Variants in PI4KA observed in about 807,000 individuals in gnomAD.
PI4KA encodes PI4-kinase alpha.
Under a neutral mutation model 271.4 loss-of-function variants are expected in PI4KA, and 122 were observed. The observed-to-expected ratio is 0.45, with a 90% CI of 0.39 to 0.52. The LOEUF is 0.52. Among genes scored for constraint, PI4KA ranks in the 20% least tolerant of loss-of-function variants. The probability of loss-of-function intolerance (pLI) is 0.00; values close to 1 mark genes in which losing one functional copy is unlikely to be tolerated. For synonymous variants in PI4KA, 1,041 were observed against 1,078.8 expected (o/e 0.96, Z 0.69); for missense variants, 1,969 against 2,769.1 (o/e 0.71, Z 6.48).
In PI4KA at chr22:20,815,607, A is replaced by G. The variant is rs184279849; in HGVS notation, c.857-2101T>C. On this transcript the variant is annotated intron_variant, in intron 7 of 54. Coordinates refer to ENST00000255882, the MANE Select transcript of PI4KA (RefSeq NM_058004.4). ...CTGGCAGCACACTGCCAATCTGTCT[A>G]AAGAGGACGCAAACCAGCAACTTAC... Among the ~76,000 whole-genome samples the G allele has an allele frequency of 3.2e-3, 490 of 152,266 alleles. 3 individuals carry two copies. Among genetic ancestry groups the G allele is most frequent in the Non-Finnish European group, 5.7e-3 (385 of 68,014 alleles).
chr22:20,747,516 A>T (rs1268465364), intron 29 of PI4KA, 67 bp downstream of exon 29: 1 of 1,563,612 alleles, frequency 6.4e-7, no homozygotes, highest in Non-Finnish European at 8.7e-7. Flanking sequence ...CCGAGCTCTA[A>T]GCCTTCCCCT....
At chr22:20,732,198 A>T (rs183865668) in intron 36 of PI4KA, among the ~76,000 whole-genome samples, 300 of 142,828 alleles carry the variant, frequency 2.1e-3, no homozygotes, top group African/African-American at 6.8e-3. Flanking sequence ...AAATTAAATT[A>T]AAAAATAAAA....
At chr22:20,810,057 C>T (rs1334838538) in intron 9 of PI4KA, among the ~76,000 whole-genome samples, 1 of 152,130 alleles carries the variant, frequency 6.6e-6, no homozygotes, top group East Asian at 1.9e-4. Flanking sequence ...GGGACATACC[C>T]ATGGTAATAA....
intron 17 of PI4KA, 166 bp downstream of exon 17, chr22:20,798,418 T>G: frequency 1.6e-6 from 1 of 607,736 alleles, no homozygotes; most frequent in South Asian, 1.9e-5. Flanking sequence ...CACCTCCAGG[T>G]GGGGGCCACA....
chr22:20,711,577 T>G lies in PI4KA; in HGVS notation c.5803-116A>C, dbSNP rs973637732. ...ACTCTCCCTGGCTCTGTACCCCCAC[T>G]GTGGAAGCAGAGCCCGAATCAGCAA... is the stretch of plus-strand genomic sequence containing the variant. On this transcript the variant is annotated intron_variant, in intron 50 of 54. Coordinates refer to ENST00000255882, the MANE Select transcript of PI4KA (RefSeq NM_058004.4). 4.8e-5 allele frequency: 56 copies of G among 1,178,382 alleles called. No individual in the cohort carries two copies. The African/African-American group carries it at 8.0e-4, about 17-fold the overall frequency. The allele number at this position is 1,178,382 out of a possible 1,614,324, so 73.0% of individuals were successfully genotyped here.
At chr22:20,755,963 T>G (rs1931247059) in intron 23 of PI4KA, among the ~76,000 whole-genome samples, 1 of 152,196 alleles carries the variant, frequency 6.6e-6, no homozygotes, top group South Asian at 2.1e-4. Flanking sequence ...GGGTCTGCCC[T>G]CTGCCTCCAG....
At chr22:20,729,786 A>G in intron 37 of PI4KA, 75 bp from the exon 38 acceptor site, 2 of 1,580,266 alleles carry the variant, frequency 1.3e-6, no homozygotes, top group Non-Finnish European at 1.7e-6. Context: ...ACCTAGAGGA[A>G]GCTTGCAGTG....
chr22:20,761,259 A>G (rs921280561), intron 23 of PI4KA, 45 bp downstream of exon 23: 2 of 1,135,840 alleles, frequency 1.8e-6, no homozygotes, highest in Non-Finnish European at 2.7e-6. Context: ...TTTTTACCCT[A>G]TTAAAGCTCA....
At chr22:20,810,932 C>T (rs1056347624) in intron 9 of PI4KA, 35 bp downstream of exon 9, 2 of 1,508,736 alleles carry the variant, frequency 1.3e-6, no homozygotes, top group Non-Finnish European at 1.8e-6. Context: ...TTAAGTCAGG[C>T]TGATCTCATG....
At chr22:20,766,897 G>A (rs1932585285) in intron 19 of PI4KA, among the ~76,000 whole-genome samples, 1 of 152,170 alleles carries the variant, frequency 6.6e-6, no homozygotes, top group Non-Finnish European at 1.5e-5. Flanking sequence ...AATGGGATGG[G>A]CTGTGACACA....
intron 28 of PI4KA, 84 bp from the exon 29 acceptor site, chr22:20,747,786 GTGTGGTGGCA>G: frequency 7.3e-7 from 1 of 1,369,470 alleles, no homozygotes; most frequent in Non-Finnish European, 1.0e-6. Flanking sequence ...CCAGGCTGGA[GTGTGGTGGCA>G]CGATCATGGC....
chr22:20,729,296 G>T lies in PI4KA; in HGVS notation c.4682+17C>A. The T allele has an allele frequency of 1.2e-6, 2 of 1,606,654 alleles. No homozygotes were observed. The highest frequency in any genetic ancestry group is 1.1e-5 in the South Asian group (1 of 89,892). On this transcript the variant is annotated intron_variant, in intron 39 of 54. Transcript: ENST00000255882. ...TCTGGTGAGGCCTGTGTCAGGCTGT[G>T]GTGCCCGGGGGCCCACCTGGCAGGC...
chr22:20,731,859 G>A (rs1670311822), intron 36 of PI4KA, among the ~76,000 whole-genome samples: 1 of 151,910 alleles, frequency 6.6e-6, no homozygotes, highest in Non-Finnish European at 1.5e-5. Flanking sequence ...AACCCGGGAG[G>A]CGGAGCTTGC....
At chr22:20,755,572 G>A (rs896428430) in intron 23 of PI4KA, among the ~76,000 whole-genome samples, 4 of 152,124 alleles carry the variant, frequency 2.6e-5, no homozygotes, top group Admixed American at 1.3e-4. Context: ...AGGCTGAGGC[G>A]GGTGGATCAC....
chr22:20,801,345 G>A lies in PI4KA; in HGVS notation c.1724+628C>T, dbSNP rs149343811. ...TCACGCTTGTAATCCCAGCACTTTG[G>A]GAGGCTGAGGCAGGCGGATCACGAG... On this transcript the variant is annotated intron_variant, in intron 14 of 54. Coordinates refer to ENST00000255882, the MANE Select transcript of PI4KA (RefSeq NM_058004.4). Among the ~76,000 whole-genome samples the A allele has an allele frequency of 2.3e-3, 352 of 152,028 alleles. 5 individuals carry two copies. In the East Asian group the frequency reaches 0.055, roughly 24 times the overall value.
intron 1 of PI4KA, among the ~76,000 whole-genome samples, chr22:20,839,228 A>G (rs1176958343): frequency 6.6e-6 from 1 of 152,174 alleles, no homozygotes; most frequent in Non-Finnish European, 1.5e-5. Flanking sequence ...AAAACAAACA[A>G]ACAAACAAAA....
intron 23 of PI4KA, among the ~76,000 whole-genome samples, chr22:20,757,936 T>C (rs2147358514): frequency 6.6e-6 from 1 of 152,306 alleles, no homozygotes; most frequent in South Asian, 2.1e-4. Context: ...ATTTTGTTGT[T>C]GCTTAGTCTC....
intron 8 of PI4KA, among the ~76,000 whole-genome samples, chr22:20,812,715 A>G (rs1417159184): frequency 6.6e-6 from 1 of 152,092 alleles, no homozygotes; most frequent in African/African-American, 2.4e-5. Context: ...TACCATGTAC[A>G]GCTAAAGTTT....
chr22:20,746,058 A>AAG lies in PI4KA; in HGVS notation c.3364-1339_3364-1338insCT, dbSNP rs1272827051. ...TTCATCAAAAAAAAAAAAAAAAAAAAGAATTTTTTTTTTTTTTTTTTTGAG... is the reference window on the plus strand; with the variant it reads ...TTCATCAAAAAAAAAAAAAAAAAAAAAGGAATTTTTTTTTTTTTTTTTTTGAG... On this transcript the variant is annotated intron_variant, in intron 29 of 54. Transcript: ENST00000255882. Among the ~76,000 whole-genome samples the AAG allele has an allele frequency of 2.8e-3, 304 of 107,354 alleles. 8 individuals are homozygous for AAG. Among genetic ancestry groups the AAG allele is most frequent in the African/African-American group, 0.01 (279 of 26,798 alleles). 70.4% of individuals were successfully genotyped at this position (107,354 alleles called of 152,430 possible). A position where few individuals can be genotyped will look rare whatever the true frequency, so the allele number is the denominator to read the frequency against.
Sources: allele counts gnomAD v4.1 joint callset (sites outside exome capture counted in the v4.1 genomes callset), GRCh38; gene constraint gnomAD v4.1.1; transcripts MANE v1.5; gene names NCBI Gene and HGNC (gene_info 2026-07-23, HGNC 2026-07-21).